The following ART3 variants were observed in gnomAD, a reference collection of about 807,000 sequenced individuals.
ART3 encodes the protein ADP-ribosyltransferase 3 (inactive), also known as ecto-ADP-ribosyltransferase 3.
In ART3, 49 loss-of-function variants were observed where a neutral mutation model predicts 48.5. The ratio of observed to expected loss-of-function variants is 1.01; its 90% CI spans 0.80 to 1.28. ART3 has a LOEUF of 1.28. Ranked by LOEUF, ART3 falls within the 50% of genes most tolerant of loss-of-function variation. The pLI is 0.00. For synonymous variants in ART3, 145 were observed against 157.2 expected (o/e 0.92, Z 0.58); for missense variants, 438 against 454.3 (o/e 0.96, Z 0.33).
intron 10 of ART3, chr4:76,105,776 T>C: frequency 2.0e-6 from 2 of 985,436 alleles, no homozygotes; most frequent in Non-Finnish European, 2.4e-6. Flanking sequence ...AAAAAGGCAC[T>C]TGATCTTAAA....
intron 1 of ART3, among the ~76,000 whole-genome samples, chr4:76,042,306 G>A (rs562356763): frequency 6.6e-6 from 1 of 152,304 alleles, no homozygotes; most frequent in African/African-American, 2.4e-5. Context: ...AAGAAAAAAG[G>A]TAGTATCAAG....
chr4:76,076,962 T>C (rs1560617072), intron 2 of ART3, among the ~76,000 whole-genome samples: 1 of 152,238 alleles, frequency 6.6e-6, no homozygotes, highest in Non-Finnish European at 1.5e-5. Context: ...TTTAATATTC[T>C]AATCCATTTT....
Position 76,018,989 on chromosome 4 carries a change from C to T in ART3, c.-10+7669C>T, listed in dbSNP as rs118156647. Among the ~76,000 whole-genome samples, 707 of 147,028 alleles carry T rather than the reference C, an allele frequency of 4.8e-3. 20 individuals carry two copies. The East Asian group carries it at 0.084, about 18-fold the overall frequency. On this transcript the variant is annotated intron_variant, in intron 1 of 9. Transcript: ENST00000341029. ...CTGGGAGGTGGGGGTTGGAGTGAGC[C>T]GAGATCACACCATTTGCACTCCAGC... is the stretch of plus-strand genomic sequence containing the variant.
At chr4:76,024,371 G>A (rs1033904537) in intron 1 of ART3, among the ~76,000 whole-genome samples, 13 of 151,966 alleles carry the variant, frequency 8.6e-5, no homozygotes, top group African/African-American at 2.9e-4. Flanking sequence ...TTACGATGGG[G>A]TTCAGCTCCA....
chr4:76,029,442 A>G (rs1733686139), intron 1 of ART3, among the ~76,000 whole-genome samples: 1 of 152,196 alleles, frequency 6.6e-6, no homozygotes. Context: ...AAGTGAAACT[A>G]TGGTTTCAGT....
intron 1 of ART3, chr4:76,021,032 CCTT>C (rs1257926809): frequency 2.0e-5 from 3 of 152,140 alleles, no homozygotes; most frequent in Non-Finnish European, 4.4e-5. Flanking sequence ...GCCCATGCCA[CCTT>C]CTTCTCCAGG....
chr4:76,112,065 A>G (rs1198526822), intron 11 of ART3: 1 of 227,460 alleles, frequency 4.4e-6, no homozygotes, highest in East Asian at 1.0e-4. Flanking sequence ...GTTAATCAAC[A>G]ATTTCTATTA....
chr4:76,100,966 G>A (rs1405130425), intron 7 of ART3, 24 bp from the exon 8 acceptor site: 4 of 1,612,570 alleles, frequency 2.5e-6, no homozygotes, highest in Non-Finnish European at 2.5e-6. Flanking sequence ...TGTTAAAACT[G>A]ATAAGCTTCT....
rs144608481 is a variant in ART3 at position 76,082,128 on chromosome 4, C to T, written c.374C>T (p.Ser125Phe). ...FSEAVKMAGQ[S>F]REDYIYGFQF... ...GAAGCTGTGAAGATGGCTGGCCAAT[C>T]TCGAGAAGATTATATCTATGGCTTC... The change falls in exon 3 of 12, where the codon TCT becomes TTT. Residue 125 changes from serine to phenylalanine, a missense_variant. By Grantham distance (155) the Ser-to-Phe change is radical. This residue lies in a region of ART3 where 206 missense variants were observed against 205.3 expected (regional missense o/e 1.00). Transcript: ENST00000355810. 2 of 1,614,218 alleles carry T rather than the reference C, an allele frequency of 1.2e-6. No individual in the cohort carries two copies. Among genetic ancestry groups the T allele is most frequent in the Non-Finnish European group, 1.7e-6 (2 of 1,180,044 alleles).
At chr4:76,045,852 G>A (rs1735454467) in intron 1 of ART3, among the ~76,000 whole-genome samples, 1 of 152,070 alleles carries the variant, frequency 6.6e-6, no homozygotes, top group African/African-American at 2.4e-5. Flanking sequence ...CCCCGCAACT[G>A]TTTTAATGTC....
At chr4:76,100,757 C>T in intron 6 of ART3, 38 bp from the exon 7 acceptor site, 3 of 1,598,764 alleles carry the variant, frequency 1.9e-6, no homozygotes, top group Non-Finnish European at 2.6e-6. Flanking sequence ...TTCTTTTGTT[C>T]CTTCGTTAAA....
intron 8 of ART3, among the ~76,000 whole-genome samples, chr4:76,101,881 A>C (rs541237244): frequency 6.6e-6 from 1 of 152,210 alleles, no homozygotes; most frequent in Non-Finnish European, 1.5e-5. Flanking sequence ...AGTCTTAAAA[A>C]TGTTTGTACC....
In ART3 at chr4:76,083,912, C is replaced by T. The variant is rs189356161; in HGVS notation, c.781+1377C>T. Among the ~76,000 whole-genome samples the T allele has an allele frequency of 9.1e-3, 1,384 of 152,224 alleles. 18 individuals carry two copies. The highest frequency in any genetic ancestry group is 0.014 in the Non-Finnish European group (940 of 68,004). On this transcript the variant is annotated intron_variant, in intron 3 of 11. Transcript: ENST00000355810. ...TCAGTAAACCAAAAGTTTCTGAAAG[C>T]CAACACCCTCCTTCCCAATGTACGT...
intron 1 of ART3, among the ~76,000 whole-genome samples, chr4:76,066,258 C>G (rs1206934786): frequency 9.4e-6 from 1 of 106,942 alleles, no homozygotes; most frequent in Admixed American, 1.2e-4. Flanking sequence ...GGCCTTTGCC[C>G]CATTTCTTGT....
At chr4:76,027,111 G>C (rs1046948682) in intron 1 of ART3, among the ~76,000 whole-genome samples, 5 of 152,134 alleles carry the variant, frequency 3.3e-5, no homozygotes, top group African/African-American at 1.2e-4. Context: ...AAATTGGCTG[G>C]GCGTGGTGGT....
At chr4:76,068,682 G>A (rs565760548) in intron 1 of ART3, among the ~76,000 whole-genome samples, 11 of 152,150 alleles carry the variant, frequency 7.2e-5, no homozygotes, top group African/African-American at 2.2e-4. Context: ...AATAACTGTT[G>A]TGTACTAGGC....
chr4:76,081,257 A>G (rs1431607640), intron 2 of ART3, among the ~76,000 whole-genome samples: 2 of 152,236 alleles, frequency 1.3e-5, no homozygotes, highest in African/African-American at 2.4e-5. Context: ...TTACAGCTTT[A>G]GAGGAAGAAA....
At chr4:76,081,730 G>A (rs1722519745) in intron 2 of ART3, 94 bp from the exon 3 acceptor site, 1 of 1,345,786 alleles carries the variant, frequency 7.4e-7, no homozygotes, top group African/African-American at 1.5e-5. Flanking sequence ...GAGAATTTTG[G>A]CAAGGGATGA....
At chr4:76,109,204 AT>A (rs1393229255) in intron 11 of ART3, among the ~76,000 whole-genome samples, 5 of 151,926 alleles carry the variant, frequency 3.3e-5, no homozygotes, top group South Asian at 2.1e-4. Context: ...GTACAAAAAT[AT>A]TTTTTCTTTA....
Sources: gnomAD v4.1 joint callset for allele counts (sites outside exome capture counted in the v4.1 genomes callset) on GRCh38, gnomAD v4.1.1 for gene constraint, gnomAD v4.1.1 regional missense constraint, MANE v1.5 for transcripts, NCBI Gene and HGNC (gene_info 2026-07-23, HGNC 2026-07-21) for gene names.